The following DNAJC12 variants were observed in gnomAD, a reference collection of about 807,000 sequenced individuals.
DNAJC12 encodes the protein dnaJ homolog subfamily C member 12.
A neutral mutation model predicts 28.5 loss-of-function variants in DNAJC12; 25 were observed. That is an observed-to-expected ratio of 0.88 (90% CI 0.64 to 1.22). The LOEUF is 1.22. DNAJC12 is among the 50% of genes most tolerant of loss of function. The pLI, the probability that DNAJC12 is intolerant of heterozygous loss-of-function variation, is 0.00. For missense variants in DNAJC12, 222 were observed against 231.7 expected (o/e 0.96, Z 0.27); for synonymous variants, 77 against 80.6 (o/e 0.95, Z 0.24).
intron 1 of DNAJC12, among the ~76,000 whole-genome samples, chr10:67,835,124 C>T (rs989863853): frequency 3.3e-5 from 5 of 152,142 alleles, no homozygotes; most frequent in Admixed American, 3.3e-4. Flanking sequence ...ATTTCTAGCA[C>T]AAACTTTAAA....
In DNAJC12 at chr10:67,797,250, G is replaced by T. The variant is rs749001746; in HGVS notation, c.503-40C>A. ...AAGTAAATATTTAAAATCAGAAGTA[G>T]GAAAAGTCGATCTTGTTATAGTAAA... On this transcript the variant is annotated intron_variant, in intron 4 of 4. Transcript: ENST00000225171. 3.2e-6 allele frequency: 5 copies of T among 1,558,230 alleles called. No individual in the cohort carries two copies. The Admixed American group carries it at 8.6e-5, about 27-fold the overall frequency.
chr10:67,834,539 G>A (rs550998452), intron 1 of DNAJC12, among the ~76,000 whole-genome samples: 1 of 152,272 alleles, frequency 6.6e-6, no homozygotes, highest in African/African-American at 2.4e-5. Context: ...AGAAAACTGA[G>A]GAATAGAGGC....
intron 3 of DNAJC12, 40 bp downstream of exon 3, chr10:67,811,484 G>A: frequency 6.2e-7 from 1 of 1,612,866 alleles, no homozygotes; most frequent in Non-Finnish European, 8.5e-7. Context: ...TGGGCATCCT[G>A]AGCTTCACAA....
chr10:67,834,084 A>C, intron 1 of DNAJC12: 1 of 459,830 alleles, frequency 2.2e-6, no homozygotes, highest in Non-Finnish European at 4.5e-6. Flanking sequence ...AAGCTAAAAA[A>C]TGAAGTAAAT....
At chr10:67,826,124 G>T (rs902272235) in intron 1 of DNAJC12, among the ~76,000 whole-genome samples, 9 of 140,966 alleles carry the variant, frequency 6.4e-5, no homozygotes, top group Non-Finnish European at 3.1e-5. Context: ...TATCCTTGAA[G>T]ACATATCTTT....
At chr10:67,802,178 A>C (rs1841754003) in intron 4 of DNAJC12, among the ~76,000 whole-genome samples, 1 of 152,114 alleles carries the variant, frequency 6.6e-6, no homozygotes, top group South Asian at 2.1e-4. Context: ...TTCATTCTTA[A>C]ACAATAGCAT....
At chr10:67,816,731 G>A (rs149491815) in intron 2 of DNAJC12, among the ~76,000 whole-genome samples, 3,440 of 152,134 alleles carry the variant, frequency 0.023, 139 homozygotes, top group African/African-American at 0.078. Flanking sequence ...ACTTTTAGTA[G>A]AGACGAGGTT....
intron 3 of DNAJC12, chr10:67,808,640 T>C (rs1416031088): frequency 6.6e-6 from 1 of 151,886 alleles, no homozygotes; most frequent in South Asian, 2.1e-4. Flanking sequence ...CACAGGGAAA[T>C]AAAAAATTTT....
At chr10:67,833,373 A>T (rs1842111992) in intron 1 of DNAJC12, among the ~76,000 whole-genome samples, 1 of 152,116 alleles carries the variant, frequency 6.6e-6, no homozygotes, top group Non-Finnish European at 1.5e-5. Flanking sequence ...CTATGCCAGG[A>T]TCAGCATTAG....
chr10:67,833,670 G>A (rs564785179), intron 1 of DNAJC12: 11 of 277,534 alleles, frequency 4.0e-5, no homozygotes, highest in African/African-American at 1.6e-4. Flanking sequence ...CGGTGGCTGC[G>A]TCACTCTGGT....
chr10:67,811,411 C>T (rs1841856609), intron 3 of DNAJC12, 113 bp downstream of exon 3: 1 of 1,536,370 alleles, frequency 6.5e-7, no homozygotes, highest in Admixed American at 2.1e-5. Flanking sequence ...ACTCTGCTAA[C>T]TTCTTGGTTT....
intron 4 of DNAJC12, among the ~76,000 whole-genome samples, chr10:67,803,713 G>T (rs1002948845): frequency 6.6e-6 from 1 of 152,130 alleles, no homozygotes; most frequent in Admixed American, 6.6e-5. Context: ...AACCCCCAGG[G>T]GTTCAAGAAA....
At position 67,797,014 on chromosome 10, in the gene DNAJC12, G is replaced by A. The variant is rs1841679636; in HGVS notation, c.*102C>T. On this transcript the variant is annotated 3_prime_UTR_variant, in exon 5 of 5. Coordinates refer to ENST00000225171, the MANE Select transcript of DNAJC12 (RefSeq NM_021800.3). ...ATCAATTAGTACTCAGCAATTCACA[G>A]ACATGACATAAACATGACATTTTTA... 1.2e-6 allele frequency: 1 copy of A among 844,328 alleles called. No individual in the cohort carries two copies. Among genetic ancestry groups the A allele is most frequent in the African/African-American group, 1.7e-5 (1 of 58,202 alleles). The allele number at this position is 844,328 out of a possible 1,614,324, so 52.3% of individuals were successfully genotyped here. A position where few individuals can be genotyped will look rare whatever the true frequency, so the allele number is the denominator to read the frequency against.
chr10:67,803,172 T>G (rs1480083031), intron 4 of DNAJC12, among the ~76,000 whole-genome samples: 1 of 151,972 alleles, frequency 6.6e-6, no homozygotes, highest in Non-Finnish European at 1.5e-5. Flanking sequence ...AAAAAAAAAT[T>G]TTATGAGGTA....
intron 1 of DNAJC12, among the ~76,000 whole-genome samples, chr10:67,827,092 A>G (rs999042615): frequency 6.6e-6 from 1 of 151,672 alleles, no homozygotes; most frequent in Non-Finnish European, 1.5e-5. Flanking sequence ...CTATCCCACT[A>G]GAAAACATTC....
chr10:67,801,836 CTTTTTTTTT>C (rs577511924), intron 4 of DNAJC12, among the ~76,000 whole-genome samples: 91 of 26,106 alleles, frequency 3.5e-3, no homozygotes, highest in African/African-American at 0.011. Context: ...CCACTTCATT[CTTTTTTTTT>C]TTTTTTTTTT....
intron 3 of DNAJC12, among the ~76,000 whole-genome samples, chr10:67,810,129 A>G (rs1051249002): frequency 2.0e-5 from 3 of 152,242 alleles, no homozygotes; most frequent in Non-Finnish European, 2.9e-5. Flanking sequence ...GGTGAAGGGG[A>G]AGAAAGGGCC....
At chr10:67,815,922 A>G (rs1260171382) in intron 2 of DNAJC12, 1 of 395,392 alleles carries the variant, frequency 2.5e-6, no homozygotes. Flanking sequence ...TCTTTCCTAT[A>G]ATGTGACCTT....
chr10:67,819,660 GAGAAAGAAAGAAAGAAAGAAAGAA>G (rs60688341), intron 2 of DNAJC12, among the ~76,000 whole-genome samples: 31 of 34,942 alleles, frequency 8.9e-4, no homozygotes, highest in Non-Finnish European at 1.3e-3. Flanking sequence ...AAGAAAGAAA[GAGAAAGAAAGAAAGAAAGAAAGAA>G]AGAAAGAAAG....
Sources: allele counts gnomAD v4.1 joint callset (sites outside exome capture counted in the v4.1 genomes callset), GRCh38; gene constraint gnomAD v4.1.1; transcripts MANE v1.5; gene names NCBI Gene and HGNC (gene_info 2026-07-23, HGNC 2026-07-21).